The following CTNND1 variants were observed in gnomAD, a reference collection of about 807,000 sequenced individuals.
The protein encoded by CTNND1 is catenin delta-1.
In CTNND1, 16 loss-of-function variants were observed where a neutral mutation model predicts 112.1. The observed-to-expected ratio is 0.14, with a 90% confidence interval of 0.10 to 0.22. CTNND1 has a LOEUF of 0.22. Among genes scored for constraint, CTNND1 ranks in the 10% least tolerant of loss-of-function variants. The pLI, the probability that CTNND1 is intolerant of heterozygous loss-of-function variation, is 1.00. For synonymous variants in CTNND1, 420 were observed against 446.5 expected, an observed-to-expected ratio of 0.94 and a Z score of 0.75; for missense variants, 1,008 against 1,257.0, an observed-to-expected ratio of 0.80 and a Z score of 3.00.
intron 1 of CTNND1, chr11:57,764,177 A>G (rs1308685731): frequency 2.0e-5 from 3 of 151,628 alleles, no homozygotes; most frequent in Non-Finnish European, 2.9e-5. Flanking sequence ...TTTGCCTCCT[A>G]TGTACGGTTG....
At chr11:57,793,587 A>C (rs1285552449) in intron 3 of CTNND1, among the ~76,000 whole-genome samples, 6 of 152,232 alleles carry the variant, frequency 3.9e-5, no homozygotes, top group African/African-American at 1.4e-4. Flanking sequence ...GAAACCCCCC[A>C]ACTTAGCCCT....
At chr11:57,803,245 C>T (rs1367502682) in intron 7 of CTNND1, among the ~76,000 whole-genome samples, 1 of 152,160 alleles carries the variant, frequency 6.6e-6, no homozygotes, top group African/African-American at 2.4e-5. Flanking sequence ...GTAGCTGGGA[C>T]TACAGGTGCC....
At chr11:57,790,620 C>T (rs1003464247) in intron 2 of CTNND1, among the ~76,000 whole-genome samples, 7 of 132,784 alleles carry the variant, frequency 5.3e-5, no homozygotes, top group Non-Finnish European at 7.6e-5. Context: ...TGCAATAGTG[C>T]GATCTTGGCT....
Position 57,788,810 on chromosome 11 carries a change from G to C in CTNND1, c.-213-227G>C, listed in dbSNP as rs192696388. Among the ~76,000 whole-genome samples the C allele has an allele frequency of 6.6e-6, 1 of 152,134 alleles. No individual in the cohort carries two copies. Among genetic ancestry groups the C allele is most frequent in the African/African-American group, 2.4e-5 (1 of 41,394 alleles). On this transcript the variant is annotated intron_variant, in intron 1 of 20. Coordinates refer to ENST00000399050, the MANE Select transcript of CTNND1 (RefSeq NM_001085458.2). This position sits in a 1 kb window ranked among gnomAD's most constrained non-coding sequence, Gnocchi z 4.1. ...TATATATGGAAATACAAATAGAGGA[G>C]CTCTCACTTGACAGTAGAATCCAGG...
rs200956139 is a variant in CTNND1 at position 57,810,085 on chromosome 11, G to A, written c.2436-24G>A. 1.2e-4 allele frequency: 187 copies of A among 1,552,516 alleles called. 1 individual carries two copies. The highest frequency in any genetic ancestry group is 1.4e-4 in the East Asian group (6 of 44,164). On this transcript the variant is annotated intron_variant, in intron 15 of 20. Coordinates refer to ENST00000399050, the MANE Select transcript of CTNND1 (RefSeq NM_001085458.2). The stretch of plus-strand genomic sequence containing the variant: ...TTTCCTGATTTTATATCCAAATTCC[G>A]TATGGTGTTACTTTCCTCCAAAGGA...
At chr11:57,809,582 G>C in intron 15 of CTNND1, 116 bp downstream of exon 15, 1 of 848,006 alleles carries the variant, frequency 1.2e-6, no homozygotes, top group Non-Finnish European at 1.8e-6. Context: ...TGTGTGAAGA[G>C]CTATTGCTCT....
At chr11:57,813,332 A>G (rs1418355745) in intron 17 of CTNND1, among the ~76,000 whole-genome samples, 1 of 152,228 alleles carries the variant, frequency 6.6e-6, no homozygotes, top group Non-Finnish European at 1.5e-5. Context: ...CTCAAAAAAT[A>G]CATGATTAAA....
intron 17 of CTNND1, among the ~76,000 whole-genome samples, chr11:57,812,034 T>A (rs1253000179): frequency 1.3e-5 from 2 of 152,238 alleles, no homozygotes; most frequent in African/African-American, 4.8e-5. Context: ...TCCTTGATTA[T>A]TGGTTCTTAA....
Position 57,815,490 on chromosome 11 carries a change from C to T in CTNND1, c.2798C>T (p.Thr933Ile), listed in dbSNP as rs199976547. 9.1e-5 allele frequency: 147 copies of T among 1,609,174 alleles called. No homozygotes were observed. The highest frequency in any genetic ancestry group is 1.2e-4 in the Non-Finnish European group (138 of 1,176,594). Residue 933 changes from threonine (T) to isoleucine (I), a missense_variant, in exon 19 of 21, where the codon ACA becomes ATA. Thr to Ile is a moderately conservative substitution (Grantham distance 89). Transcript: ENST00000399050. ...LGDMEPLKGT[T>I]PLMQDEGQES... ...GACATGGAGCCATTGAAGGGAACAA[C>T]ACCCTTGATGGTAAATTCTCTTTAT... is the stretch of plus-strand genomic sequence containing the variant.
chr11:57,772,831 C>T (rs1953031774), intron 1 of CTNND1, among the ~76,000 whole-genome samples: 1 of 151,972 alleles, frequency 6.6e-6, no homozygotes, highest in Non-Finnish European at 1.5e-5. Context: ...TGTCTCCTCT[C>T]TCTCTCTCCC....
chr11:57,816,243 G>C (rs371353690), intron 20 of CTNND1, 54 bp from the exon 21 acceptor site: 1 of 1,609,962 alleles, frequency 6.2e-7, no homozygotes, highest in Admixed American at 1.7e-5. Flanking sequence ...TTTGGGGGGG[G>C]TCTCCTTAAT....
chr11:57,771,483 A>G (rs141927890), intron 1 of CTNND1, among the ~76,000 whole-genome samples: 111 of 152,218 alleles, frequency 7.3e-4, no homozygotes, highest in African/African-American at 2.5e-3. Context: ...ACCAAGAGAA[A>G]TGGAGGATGG....
At chr11:57,785,779 C>A (rs1215095083) in intron 1 of CTNND1, among the ~76,000 whole-genome samples, 2 of 151,870 alleles carry the variant, frequency 1.3e-5, no homozygotes, top group African/African-American at 4.8e-5. Flanking sequence ...AAACCCCTGA[C>A]CTTGTGATCC....
chr11:57,793,141 T>G (rs1339768963), intron 3 of CTNND1: 2 of 152,166 alleles, frequency 1.3e-5, no homozygotes, highest in Non-Finnish European at 2.9e-5. Flanking sequence ...AAGTAATGTT[T>G]AACTTCCTCT....
chr11:57,793,658 A>G (rs905175912), intron 3 of CTNND1, among the ~76,000 whole-genome samples: 2 of 152,188 alleles, frequency 1.3e-5, no homozygotes, highest in African/African-American at 4.8e-5. Context: ...GAAATTATCT[A>G]GGTCTGTGCT....
intron 1 of CTNND1, among the ~76,000 whole-genome samples, chr11:57,768,457 G>A (rs906616405): frequency 1.6e-5 from 2 of 127,694 alleles, no homozygotes; most frequent in African/African-American, 5.9e-5. Flanking sequence ...GCAGTGGCGC[G>A]ATCTCGGCTC....
chr11:57,809,973 A>C, intron 15 of CTNND1, 136 bp from the exon 16 acceptor site: 1 of 502,598 alleles, frequency 2.0e-6, no homozygotes, highest in Non-Finnish European at 3.4e-6. Flanking sequence ...AGCCTCCCAA[A>C]GTGCTGGGAT....
chr11:57,765,327 G>T (rs181138802), intron 1 of CTNND1, among the ~76,000 whole-genome samples: 22 of 152,302 alleles, frequency 1.4e-4, no homozygotes, highest in African/African-American at 5.3e-4. Flanking sequence ...CATTTGATGA[G>T]AATCAGTGAG....
rs2059342561 is a variant in CTNND1 at position 57,779,420 on chromosome 11, C to T, written c.-213-9617C>T. 2.0e-5 allele frequency among the ~76,000 whole-genome samples: 3 copies of T among 152,208 alleles called. No homozygotes were observed. The South Asian group carries it at 6.2e-4, about 31-fold the overall frequency. ...TTTTGTGTTTTCCCTGCCTTCCATTCCAGCTGTGAAACAGGCATCTTTTCT... is the reference window on the plus strand; with the variant it reads ...TTTTGTGTTTTCCCTGCCTTCCATTTCAGCTGTGAAACAGGCATCTTTTCT... On this transcript the variant is annotated intron_variant, in intron 1 of 20. Coordinates refer to ENST00000399050, the MANE Select transcript of CTNND1 (RefSeq NM_001085458.2).
Sources: allele counts gnomAD v4.1 joint callset (sites outside exome capture counted in the v4.1 genomes callset), GRCh38; gene constraint gnomAD v4.1.1; non-coding constraint Gnocchi (gnomAD v3.1); transcripts MANE v1.5; gene names NCBI Gene and HGNC (gene_info 2026-07-23, HGNC 2026-07-21).